Variants in TNFSF11 observed in about 807,000 individuals in gnomAD.
TNFSF11 encodes TNF superfamily member 11, also known as tumor necrosis factor ligand superfamily member 11.
In TNFSF11, 12 loss-of-function variants were observed where a neutral mutation model predicts 32.2. That is an observed-to-expected ratio of 0.37 (90% CI 0.24 to 0.60). The LOEUF (loss-of-function observed/expected upper bound fraction) is 0.60. TNFSF11 is among the 20% of genes least tolerant of loss of function. The pLI is 0.66. For missense variants in TNFSF11, 345 were observed against 398.0 expected, an observed-to-expected ratio of 0.87 and a Z score of 1.13; for synonymous variants, 172 against 152.1, an observed-to-expected ratio of 1.13 and a Z score of -0.96.
intron 1 of TNFSF11, 43 bp downstream of exon 1, chr13:42,574,565 A>G: frequency 3.8e-6 from 6 of 1,586,800 alleles, no homozygotes; most frequent in Non-Finnish European, 5.1e-6. Context: ...GAGAGCGCCC[A>G]TCTCCTTCCC....
intron 2 of TNFSF11, among the ~76,000 whole-genome samples, chr13:42,600,515 G>A (rs181996673): frequency 7.2e-5 from 11 of 152,102 alleles, no homozygotes; most frequent in Admixed American, 3.3e-4. Context: ...TCCTCTTACC[G>A]TCCAAAGTAT....
chr13:42,580,995 A>G lies in TNFSF11; in HGVS notation c.220-131A>G. 4.4e-6 allele frequency: 4 copies of G among 918,858 alleles called. No individual in the cohort carries two copies. The Admixed American group carries it at 7.7e-5, about 18-fold the overall frequency. The allele number at this position is 918,858 out of a possible 1,614,324, so 56.9% of individuals were successfully genotyped here. A position where few individuals can be genotyped will look rare whatever the true frequency, so the allele number is the denominator to read the frequency against. ...TTTTCACCATCTTGAGGTTCATTGT[A>G]TTAACTATTCATTGTTGGGGACATA... On this transcript the variant is annotated intron_variant, in intron 1 of 4. Transcript: ENST00000398795.
At chr13:42,599,417 T>C (rs988098409) in intron 2 of TNFSF11, among the ~76,000 whole-genome samples, 3 of 151,802 alleles carry the variant, frequency 2.0e-5, no homozygotes, top group African/African-American at 7.3e-5. Context: ...TCTAGACACT[T>C]AAAGAACTTA....
chr13:42,600,153 C>G (rs964315370), intron 2 of TNFSF11, among the ~76,000 whole-genome samples: 2 of 151,972 alleles, frequency 1.3e-5, no homozygotes, highest in Non-Finnish European at 2.9e-5. Context: ...TTTCTTTTTT[C>G]TGGCTTGTGC....
At chr13:42,603,052 C>T (rs527274448) in intron 4 of TNFSF11, among the ~76,000 whole-genome samples, 1 of 152,142 alleles carries the variant, frequency 6.6e-6, no homozygotes, top group South Asian at 2.1e-4. Context: ...TGGCTGGGCC[C>T]ACAACTCCTT....
chr13:42,567,881 AAAC>A (rs1358280334), intron 2 of TNFSF11, among the ~76,000 whole-genome samples: 7 of 152,340 alleles, frequency 4.6e-5, no homozygotes, highest in African/African-American at 1.7e-4. Flanking sequence ...TCCAGCAGCT[AAAC>A]AACACTAGCT....
At chr13:42,595,592 G>C in intron 2 of TNFSF11, among the ~76,000 whole-genome samples, 1 of 152,146 alleles carries the variant, frequency 6.6e-6, no homozygotes, top group East Asian at 1.9e-4. Context: ...CAGGCTGTTC[G>C]CTGAGAGGTT....
chr13:42,598,871 A>G (rs1252745415), intron 2 of TNFSF11, among the ~76,000 whole-genome samples: 1 of 152,214 alleles, frequency 6.6e-6, no homozygotes, highest in African/African-American at 2.4e-5. Context: ...GGGAGACAAA[A>G]CTAGGAAATT....
At position 42,581,117 on chromosome 13, in the gene TNFSF11, C is replaced by T. The variant is rs201832180; in HGVS notation, c.220-9C>T. 19 of 1,613,796 alleles carry T rather than the reference C, an allele frequency of 1.2e-5. No homozygotes were observed. The highest frequency in any genetic ancestry group is 1.6e-5 in the Non-Finnish European group (19 of 1,179,876). On this transcript the variant is annotated splice_polypyrimidine_tract_variant and intron_variant, in intron 1 of 4. Transcript: ENST00000398795. ...GCACTCTAACGTCCTTACTGTTTCT[C>T]CTCCTCAGATGGATCCTAATAGAAT...
intron 2 of TNFSF11, among the ~76,000 whole-genome samples, chr13:42,589,328 A>G (rs1874050809): frequency 6.6e-6 from 1 of 152,142 alleles, no homozygotes; most frequent in Non-Finnish European, 1.5e-5. Context: ...TACTCTGCTC[A>G]CTGTGTGGTC....
rs755631787 is a variant in TNFSF11, at chr13:42,606,922, C to A, written c.*4C>A. On this transcript the variant is annotated 3_prime_UTR_variant, in exon 5 of 5. Coordinates refer to ENST00000398795, the MANE Select transcript of TNFSF11 (RefSeq NM_003701.4). ...TAAAGTTCGAGATATAGATTGAGCC[C>A]CAGTTTTTGGAGTGTTATGTATTTC... is the stretch of plus-strand genomic sequence containing the variant. 3 of 1,613,912 alleles carry A rather than the reference C, an allele frequency of 1.9e-6. No individual in the cohort carries two copies. The highest frequency in any genetic ancestry group is 2.2e-5 in the South Asian group (2 of 91,072).
intron 2 of TNFSF11, among the ~76,000 whole-genome samples, chr13:42,592,292 C>T (rs1868527453): frequency 6.6e-6 from 1 of 152,198 alleles, no homozygotes; most frequent in African/African-American, 2.4e-5. Context: ...GTATTTCTGA[C>T]CAACCAGCTA....
chr13:42,562,975 T>C (rs1302060405), intron 1 of TNFSF11: 1 of 152,192 alleles, frequency 6.6e-6, no homozygotes, highest in Non-Finnish European at 1.5e-5. Context: ...TACTATTAGT[T>C]GCAGAAATTG....
chr13:42,602,732 C>T (rs1358931402), intron 4 of TNFSF11, among the ~76,000 whole-genome samples: 1 of 152,174 alleles, frequency 6.6e-6, no homozygotes, highest in Non-Finnish European at 1.5e-5. Context: ...AACTATTTTG[C>T]ATGTTAGCAA....
At chr13:42,595,191 G>A (rs1020878142) in intron 2 of TNFSF11, among the ~76,000 whole-genome samples, 1 of 152,106 alleles carries the variant, frequency 6.6e-6, no homozygotes, top group African/African-American at 2.4e-5. Context: ...TATCTCAGAA[G>A]GTTTCTTTTA....
rs2137916225 is a variant in TNFSF11 at position 42,606,767 on chromosome 13, C to T, written c.803C>T (p.Ser268Phe). ...GGSTKYWSGN[S>F]EFHFYSINVG... is the part of the protein sequence containing the mutation. ...AGCACCAAGTATTGGTCAGGGAATT[C>T]TGAATTCCATTTTTATTCCATAAAC... Residue 268 changes from serine to phenylalanine, a missense_variant, in exon 5 of 5, where the codon TCT becomes TTT. By Grantham distance (155) the Ser-to-Phe change is radical (BLOSUM62 -2). Around this residue, in one of 2 missense-constraint regions of TNFSF11, gnomAD observed 148 missense variants for 216.0 expected, o/e 0.69. Transcript: ENST00000398795. 1.9e-6 allele frequency: 3 copies of T among 1,614,064 alleles called. No homozygotes were observed. The highest frequency in any genetic ancestry group is 2.5e-6 in the Non-Finnish European group (3 of 1,179,976).
intron 2 of TNFSF11, among the ~76,000 whole-genome samples, chr13:42,594,979 G>C (rs1023298066): frequency 6.6e-6 from 1 of 152,068 alleles, no homozygotes; most frequent in Non-Finnish European, 1.5e-5. Flanking sequence ...TTGTTTTCCT[G>C]TCTGTTTAAA....
chr13:42,575,328 G>T (rs1181068746), intron 1 of TNFSF11, among the ~76,000 whole-genome samples: 1 of 152,212 alleles, frequency 6.6e-6, no homozygotes, highest in Admixed American at 6.5e-5. Flanking sequence ...ATAGTAGGAA[G>T]GAAGGGGTAA....
At position 42,606,705 on chromosome 13, in the gene TNFSF11, C is replaced by T. The variant is rs779188767; in HGVS notation, c.741C>T (p.Ile247=). The change falls in exon 5 of 5, where the codon ATC becomes ATT. Residue 247 remains isoleucine (I), a synonymous_variant. Coordinates refer to ENST00000398795, the MANE Select transcript of TNFSF11 (RefSeq NM_003701.4). ...QLMVYVTKTS[I]KIPSSHTLMK... is the part of the protein sequence containing the mutation. The stretch of plus-strand genomic sequence containing the variant: ...TGGTGTACGTCACTAAAACCAGCAT[C>T]AAAATCCCAAGTTCTCATACCCTGA... The T allele has an allele frequency of 5.6e-6, 9 of 1,614,252 alleles. No homozygotes were observed. The Admixed American group carries it at 1.2e-4, about 21-fold the overall frequency.
Sources: allele counts gnomAD v4.1 joint callset (sites outside exome capture counted in the v4.1 genomes callset), GRCh38; gene constraint gnomAD v4.1.1; regional missense constraint gnomAD v4.1.1; transcripts MANE v1.5; gene names NCBI Gene and HGNC (gene_info 2026-07-23, HGNC 2026-07-21).